The following WDR1 variants were observed in gnomAD, a reference collection of about 807,000 sequenced individuals.
The protein encoded by WDR1 is WD repeat-containing protein 1.
WDR1 carries 21 observed loss-of-function variants against 71.9 expected under a neutral mutation model. That is an observed-to-expected ratio of 0.29 (90% confidence interval 0.21 to 0.42). The LOEUF (loss-of-function observed/expected upper bound fraction) is 0.42. WDR1 is among the 10% of genes least tolerant of loss of function. The pLI, the probability that WDR1 is intolerant of heterozygous loss-of-function variation, is 1.00. For synonymous variants in WDR1, 424 were observed against 347.4 expected (o/e 1.22, Z -2.45); for missense variants, 696 against 824.5 (o/e 0.84, Z 1.91).
chr4:10,084,106 G>A (rs566914851), intron 9 of WDR1, among the ~76,000 whole-genome samples: 6 of 152,364 alleles, frequency 3.9e-5, no homozygotes, highest in African/African-American at 1.4e-4. Context: ...GGCCAAGGCT[G>A]GCGCCAGGTG....
chr4:10,116,609 C>T (rs1421716492), intron 1 of WDR1, 42 bp downstream of exon 1: 32 of 1,196,196 alleles, frequency 2.7e-5, no homozygotes, highest in African/African-American at 3.2e-5. Flanking sequence ...GGGGCCGGGG[C>T]AGCGCGGCGG....
chr4:10,105,314 T>C (rs987661174), intron 2 of WDR1, among the ~76,000 whole-genome samples: 1 of 152,178 alleles, frequency 6.6e-6, no homozygotes, highest in African/African-American at 2.4e-5. Context: ...TCACTAGCCA[T>C]CTCAATAAGT....
chr4:10,107,414 T>C (rs868075359), intron 2 of WDR1, among the ~76,000 whole-genome samples: 1 of 152,150 alleles, frequency 6.6e-6, no homozygotes, highest in Non-Finnish European at 1.5e-5. Flanking sequence ...ACCAAGCCGG[T>C]AGTCTTCAAA....
chr4:10,109,408 C>T (rs1025115012), intron 2 of WDR1, among the ~76,000 whole-genome samples: 3 of 152,256 alleles, frequency 2.0e-5, no homozygotes, highest in African/African-American at 7.2e-5. Context: ...GTTTTGTTGT[C>T]TTCCTTACGG....
Position 10,102,775 on chromosome 4 carries a change from G to A in WDR1, c.229+1121C>T, listed in dbSNP as rs1712756922. Among the ~76,000 whole-genome samples, 8 of 152,170 alleles carry A rather than the reference G, an allele frequency of 5.3e-5. No individual in the cohort carries two copies. The South Asian group carries it at 1.7e-3, about 32-fold the overall frequency. Reference sequence around the variant, plus strand: ...TGGTACAAGCATAGGGCCACGGCGTGCATGAGTCCCGCCCTCCCCTACTGG... The same window carrying A: ...TGGTACAAGCATAGGGCCACGGCGTACATGAGTCCCGCCCTCCCCTACTGG... On this transcript the variant is annotated intron_variant, in intron 3 of 14. Transcript: ENST00000499869.
Position 10,087,759 on chromosome 4 carries a change from T to C in WDR1, c.899A>G (p.Tyr300Cys), listed in dbSNP as rs749294369. 4 of 1,602,934 alleles carry C rather than the reference T, an allele frequency of 2.5e-6. No individual in the cohort carries two copies. The highest frequency in any genetic ancestry group is 3.4e-6 in the Non-Finnish European group (4 of 1,174,616). The part of the protein sequence containing the change: ...DHLLSVSLSG[Y>C]INYLDRNNPS... ...GTTGTTTCTGTCCAGATAGTTGATG[T>C]ACCCGGACAGGGAGACACTGAGCAG... The change falls in exon 8 of 15, where the codon TAC becomes TGC. Residue 300 changes from tyrosine (Y) to cysteine (C), a missense_variant. By Grantham distance (194) the Tyr-to-Cys change is radical. Coordinates refer to ENST00000499869, the MANE Select transcript of WDR1 (RefSeq NM_017491.5).
At chr4:10,106,760 C>CT (rs1713044634) in intron 2 of WDR1, among the ~76,000 whole-genome samples, 2 of 152,196 alleles carry the variant, frequency 1.3e-5, no homozygotes, top group Admixed American at 1.3e-4. Flanking sequence ...ACTGGGTCAG[C>CT]GGTGGGGGCT....
At chr4:10,087,307 G>A (rs77063474) in intron 8 of WDR1, among the ~76,000 whole-genome samples, 3,672 of 152,332 alleles carry the variant, frequency 0.024, 151 homozygotes, top group African/African-American at 0.084. Context: ...GCGATGCCCC[G>A]TCACCTGCCC....
chr4:10,084,325 G>A (rs2241473), intron 9 of WDR1, 118 bp downstream of exon 9: 178,194 of 850,682 alleles, frequency 0.21, 20,311 homozygotes, highest in Middle Eastern at 0.27. Flanking sequence ...TCAGAAGAGC[G>A]TGTGGCTGTG....
At chr4:10,085,417 A>C (rs1202346897) in intron 8 of WDR1, among the ~76,000 whole-genome samples, 1 of 152,234 alleles carries the variant, frequency 6.6e-6, no homozygotes, top group South Asian at 2.1e-4. Context: ...TCTTTTCCAC[A>C]GAGACGTGGG....
rs773448139 is a variant in WDR1, at chr4:10,103,908, T to C, written c.217A>G (p.Ile73Val). ...VAKYAPSGFY[I>V]ASGDVSGKLR... Reference sequence around the variant, plus strand: ...CCCCATACAGTACCTCCGGAGGCAATGTAGAATCCGCTGGGCGCATACTTG... The same window carrying C: ...CCCCATACAGTACCTCCGGAGGCAACGTAGAATCCGCTGGGCGCATACTTG... Residue 73 changes from isoleucine to valine, a missense_variant, in exon 3 of 15, where the codon ATT becomes GTT. Physicochemically the swap from Ile to Val is conservative, Grantham distance 29 (BLOSUM62 3). Transcript: ENST00000499869. The C allele has an allele frequency of 1.9e-6, 3 of 1,585,972 alleles. No homozygotes were observed. The highest frequency in any genetic ancestry group is 2.3e-5 in the East Asian group (1 of 43,324).
At position 10,075,304 on chromosome 4, in the gene WDR1, G is replaced by A. The variant is rs1026072540; in HGVS notation, c.*74C>T. ...GGCATGGGGGCGCGTCACAGAAATAGAGAAATGACATGTTCCGCTGCAGTT... is the reference window on the plus strand; with the variant it reads ...GGCATGGGGGCGCGTCACAGAAATAAAGAAATGACATGTTCCGCTGCAGTT... On this transcript the variant is annotated 3_prime_UTR_variant, in exon 15 of 15. Transcript: ENST00000499869. The A allele has an allele frequency of 7.1e-7, 1 of 1,412,092 alleles. No individual in the cohort carries two copies. Among genetic ancestry groups the A allele is most frequent in the Non-Finnish European group, 9.9e-7 (1 of 1,006,282 alleles). 87.5% of individuals were successfully genotyped at this position (1,412,092 alleles called of 1,614,324 possible).
At chr4:10,088,623 G>A in intron 6 of WDR1, 41 bp downstream of exon 6, 1 of 1,525,836 alleles carries the variant, frequency 6.6e-7, no homozygotes, top group South Asian at 1.2e-5. Context: ...GGAGCAGGCA[G>A]ACAAGCCATT....
chr4:10,107,821 C>T (rs1192756965), intron 2 of WDR1, among the ~76,000 whole-genome samples: 1 of 152,180 alleles, frequency 6.6e-6, no homozygotes, highest in South Asian at 2.1e-4. Context: ...CCACGGACTT[C>T]GGCAAGTGAC....
rs369665212 is a variant in WDR1, at chr4:10,088,675, C to T, written c.625G>A (p.Ala209Thr). ...ATCCCAGTTCTTACCTGGCCGTCAG[C>T]ACTGGCTGTGGCAAATCTGTTCCCA... ...PDGNRFATAS[A>T]DGQIYIYDGK... Residue 209 changes from alanine (A) to threonine (T), a missense_variant, in exon 6 of 15, where the codon GCT (alanine) becomes ACT (threonine). Ala to Thr is a moderately conservative substitution (Grantham distance 58, BLOSUM62 0). Transcript: ENST00000499869. The T allele has an allele frequency of 6.2e-7, 1 of 1,606,376 alleles. No homozygotes were observed. The highest frequency in any genetic ancestry group is 8.5e-7 in the Non-Finnish European group (1 of 1,176,396).
chr4:10,077,206 T>C (rs1272767060), intron 14 of WDR1, 98 bp downstream of exon 14: 2 of 1,493,694 alleles, frequency 1.3e-6, no homozygotes, highest in Non-Finnish European at 1.8e-6. Flanking sequence ...CAGAGGCTAC[T>C]TAGCCCTGGG....
At chr4:10,077,239 G>A in intron 14 of WDR1, 65 bp downstream of exon 14, 1 of 1,598,934 alleles carries the variant, frequency 6.3e-7, no homozygotes, top group Non-Finnish European at 8.5e-7. Flanking sequence ...GGGACAGCCT[G>A]TGAGGTGGCC....
In WDR1 at chr4:10,075,363, CG is replaced by C; in HGVS notation, c.*14del. On this transcript the variant is annotated 3_prime_UTR_variant, in exon 15 of 15. Transcript: ENST00000499869. ...GTCCCTGATTCGGTCCATCCAGAGG[CG>C]GGGGTGGGGCTCCTCAGTAGGTGAT... 6.3e-7 allele frequency: 1 copy of C among 1,598,864 alleles called. No individual in the cohort carries two copies. The highest frequency in any genetic ancestry group is 8.5e-7 in the Non-Finnish European group (1 of 1,169,608).
intron 9 of WDR1, 130 bp from the exon 10 acceptor site, chr4:10,083,308 C>G: frequency 8.3e-7 from 1 of 1,204,734 alleles, no homozygotes; most frequent in Non-Finnish European, 1.1e-6. Flanking sequence ...ACCATTCCCC[C>G]TGGGAAGCCT....
Sources: allele counts gnomAD v4.1 joint callset (sites outside exome capture counted in the v4.1 genomes callset), GRCh38; gene constraint gnomAD v4.1.1; transcripts MANE v1.5; gene names NCBI Gene and HGNC (gene_info 2026-07-23, HGNC 2026-07-21).